ITK: variants seen among roughly 807,000 people sequenced by gnomAD.
The protein encoded by ITK is tyrosine-protein kinase ITK/TSK.
In ITK, 45 loss-of-function variants were observed where a neutral mutation model predicts 87.6. The observed-to-expected ratio is 0.51, with a 90% CI of 0.40 to 0.66. ITK has a LOEUF of 0.66. Among genes scored for constraint, ITK ranks in the 30% least tolerant of loss-of-function variants. ITK has a pLI of 0.00. For missense variants in ITK, 605 were observed against 766.3 expected (o/e 0.79, Z 2.48); for synonymous variants, 303 against 273.6 (o/e 1.11, Z -1.06).
chr5:157,212,855 A>T (rs1028677177), intron 3 of ITK, among the ~76,000 whole-genome samples: 2 of 151,486 alleles, frequency 1.3e-5, no homozygotes, highest in Non-Finnish European at 2.9e-5. Flanking sequence ...CCACCAAAAA[A>T]AAAAGAAGAA....
intron 1 of ITK, among the ~76,000 whole-genome samples, chr5:157,194,173 G>T (rs558540247): frequency 1.3e-5 from 2 of 152,042 alleles, no homozygotes; most frequent in Non-Finnish European, 2.9e-5. Flanking sequence ...ATTACATTTT[G>T]CAAGAAGGTA....
chr5:157,186,762 A>T (rs139508018), intron 1 of ITK, among the ~76,000 whole-genome samples: 124 of 152,172 alleles, frequency 8.1e-4, no homozygotes, highest in African/African-American at 2.8e-3. Flanking sequence ...CCAGATTCCC[A>T]CAGGATATCT....
intron 1 of ITK, among the ~76,000 whole-genome samples, chr5:157,199,089 T>TA (rs1296720290): frequency 6.6e-6 from 1 of 152,206 alleles, no homozygotes; most frequent in Non-Finnish European, 1.5e-5. Context: ...TATGTAATTT[T>TA]AAAAAATTCT....
intron 10 of ITK, 112 bp downstream of exon 10, chr5:157,240,307 T>G: frequency 9.8e-7 from 1 of 1,021,482 alleles, no homozygotes; most frequent in Non-Finnish European, 1.5e-6. Context: ...CATTAGATTC[T>G]CATAAGAGTG....
At chr5:157,185,679 C>G (rs1369253041) in intron 1 of ITK, among the ~76,000 whole-genome samples, 2 of 144,812 alleles carry the variant, frequency 1.4e-5, no homozygotes, top group African/African-American at 5.0e-5. Flanking sequence ...GACTCCGTCT[C>G]CACAAAAAAA....
chr5:157,249,114 C>A, intron 16 of ITK, 107 bp downstream of exon 16: 1 of 936,180 alleles, frequency 1.1e-6, no homozygotes, highest in Non-Finnish European at 1.7e-6. Context: ...GGAGGGATAA[C>A]TAATATAGAT....
At position 157,217,906 on chromosome 5, in the gene ITK, G is replaced by A. The variant is rs756769858; in HGVS notation, c.494G>A (p.Arg165Lys). The change falls in exon 5 of 17, where the codon AGG (arginine) becomes AAG (lysine). Residue 165 changes from arginine to lysine, a missense_variant and splice_region_variant. Arg to Lys is a conservative substitution (Grantham distance 26). Transcript: ENST00000422843. ...KPLPPTPEDN[R>K]RPLWEPEETV... is the part of the protein sequence containing the mutation. The stretch of plus-strand genomic sequence containing the variant: ...CTTCCTCCTACTCCTGAAGACAACA[G>A]GGTGAGTGAGAGCGCTAGCTCCGGG... 8 of 1,613,674 alleles carry A rather than the reference G, an allele frequency of 5.0e-6. No homozygotes were observed. In the African/African-American group the frequency reaches 9.3e-5, roughly 19 times the overall value.
intron 8 of ITK, among the ~76,000 whole-genome samples, chr5:157,233,417 A>G (rs1006857007): frequency 1.3e-5 from 2 of 152,260 alleles, no homozygotes; most frequent in African/African-American, 4.8e-5. Flanking sequence ...AGTTGAGCTG[A>G]GTCCTTACTG....
intron 1 of ITK, among the ~76,000 whole-genome samples, chr5:157,202,084 T>C (rs1356357836): frequency 1.3e-5 from 2 of 152,186 alleles, no homozygotes; most frequent in Non-Finnish European, 2.9e-5. Context: ...CAGCATTTGG[T>C]TTTTAGTTCC....
intron 9 of ITK, among the ~76,000 whole-genome samples, chr5:157,239,808 G>A (rs1051205469): frequency 2.0e-5 from 3 of 152,118 alleles, no homozygotes; most frequent in Admixed American, 6.5e-5. Flanking sequence ...TCATTTTGTG[G>A]CAATGGAAGA....
At chr5:157,206,538 C>T (rs967898731) in intron 1 of ITK, among the ~76,000 whole-genome samples, 2 of 152,032 alleles carry the variant, frequency 1.3e-5, no homozygotes, top group Non-Finnish European at 2.9e-5. Flanking sequence ...GGGTGGTAGG[C>T]TATTTATTAC....
Position 157,252,805 on chromosome 5 carries a change from A to G in ITK, c.*127A>G. ...CAGAGGCAGCCTGGCCTGTGGCATCAGTCCCTGAGTCACCATGGAAGCAGC... is the reference window on the plus strand; with the variant it reads ...CAGAGGCAGCCTGGCCTGTGGCATCGGTCCCTGAGTCACCATGGAAGCAGC... On this transcript the variant is annotated 3_prime_UTR_variant, in exon 17 of 17. Transcript: ENST00000422843. The G allele has an allele frequency of 1.3e-6, 1 of 751,022 alleles. No individual in the cohort carries two copies. The highest frequency in any genetic ancestry group is 2.4e-6 in the Non-Finnish European group (1 of 417,620). 46.5% of individuals were successfully genotyped at this position (751,022 alleles called of 1,614,324 possible).
chr5:157,243,556 C>A, intron 11 of ITK, 67 bp from the exon 12 acceptor site: 2 of 1,313,740 alleles, frequency 1.5e-6, no homozygotes, highest in Non-Finnish European at 2.2e-6. Context: ...CTTTATAGTC[C>A]CCTGGTATCC....
intron 1 of ITK, among the ~76,000 whole-genome samples, chr5:157,203,063 T>C (rs1754006788): frequency 6.6e-6 from 1 of 152,196 alleles, no homozygotes; most frequent in South Asian, 2.1e-4. Context: ...CCCAGATGGC[T>C]CCTGTTCGAC....
chr5:157,183,377 A>G (rs895789164), intron 1 of ITK, among the ~76,000 whole-genome samples: 9 of 152,228 alleles, frequency 5.9e-5, no homozygotes, highest in African/African-American at 2.2e-4. Flanking sequence ...TACCCATTTC[A>G]TAGGAAGATG....
intron 10 of ITK, 32 bp downstream of exon 10, chr5:157,240,227 G>T: frequency 3.1e-6 from 5 of 1,608,248 alleles, no homozygotes; most frequent in Non-Finnish European, 4.3e-6. Flanking sequence ...GACCCGGGCC[G>T]CCCAGCAGGA....
chr5:157,187,364 C>T (rs1421607447), intron 1 of ITK, among the ~76,000 whole-genome samples: 1 of 152,124 alleles, frequency 6.6e-6, no homozygotes, highest in Non-Finnish European at 1.5e-5. Flanking sequence ...ACTCATGCAT[C>T]ATTTGTGGAG....
In ITK at chr5:157,186,408, C is replaced by T. The variant is rs796861620; in HGVS notation, c.138+5293C>T. ...AGAGAGAGAGAGGCGGGCACGATGG[C>T]CCATGCCTGTAATTCCAGCACTTTG... On this transcript the variant is annotated intron_variant, in intron 1 of 16. Coordinates refer to ENST00000422843, the MANE Select transcript of ITK (RefSeq NM_005546.4). Among the ~76,000 whole-genome samples the T allele has an allele frequency of 1.3e-5, 2 of 150,774 alleles. 1 individual carries two copies. The highest frequency in any genetic ancestry group is 4.9e-5 in the African/African-American group (2 of 41,106).
intron 8 of ITK, among the ~76,000 whole-genome samples, chr5:157,232,700 G>T (rs1318641497): frequency 6.6e-6 from 1 of 152,248 alleles, no homozygotes; most frequent in Non-Finnish European, 1.5e-5. Flanking sequence ...GGGTTGACAT[G>T]TTGGATTAAC....
Sources: gnomAD v4.1 joint callset for allele counts (sites outside exome capture counted in the v4.1 genomes callset) on GRCh38, gnomAD v4.1.1 for gene constraint, MANE v1.5 for transcripts, NCBI Gene and HGNC (gene_info 2026-07-23, HGNC 2026-07-21) for gene names.